TXNDC9: variants seen among roughly 807,000 people sequenced by gnomAD.
TXNDC9 encodes the protein thioredoxin domain-containing protein 9.
A neutral mutation model predicts 23.0 loss-of-function variants in TXNDC9; 7 were observed. That is an observed-to-expected ratio of 0.30 (90% CI 0.17 to 0.57). The LOEUF is 0.57. Ranked by LOEUF, TXNDC9 falls within the 20% of genes least tolerant of loss-of-function variation. The probability of loss-of-function intolerance (pLI) is 0.90; values close to 1 mark genes in which losing one functional copy is unlikely to be tolerated. For missense variants in TXNDC9, 198 were observed against 252.6 expected (o/e 0.78, Z 1.47); for synonymous variants, 72 against 90.6 (o/e 0.79, Z 1.17).
intron 3 of TXNDC9, among the ~76,000 whole-genome samples, chr2:99,322,893 C>G (rs1574905509): frequency 6.6e-6 from 1 of 152,258 alleles, no homozygotes; most frequent in South Asian, 2.1e-4. Flanking sequence ...TCCCAAGTAG[C>G]TGGGACTACA....
downstream of TXNDC9, among the ~76,000 whole-genome samples, chr2:99,315,666 A>T (rs2094187637): frequency 6.6e-6 from 1 of 152,158 alleles, no homozygotes; most frequent in Admixed American, 6.5e-5. Flanking sequence ...GGTGTTTGTT[A>T]CATTTCGAGT....
chr2:99,322,319 T>A, intron 3 of TXNDC9, 110 bp from the exon 4 acceptor site: 1 of 1,423,288 alleles, frequency 7.0e-7, no homozygotes. Flanking sequence ...TTGACTCTCA[T>A]AACATGGCAG....
At chr2:99,316,309 A>T (rs534381795), downstream of TXNDC9, among the ~76,000 whole-genome samples, 42 of 152,068 alleles carry the variant, frequency 2.8e-4, no homozygotes, top group South Asian at 5.6e-3. Context: ...TCAAGTAGTT[A>T]TGAGGTGGAT....
At chr2:99,335,821 G>C (rs893406841) in intron 1 of TXNDC9, among the ~76,000 whole-genome samples, 4 of 152,210 alleles carry the variant, frequency 2.6e-5, no homozygotes, top group African/African-American at 9.7e-5. Flanking sequence ...GGGGTAAAGA[G>C]ACGATGCAAC....
chr2:99,327,513 T>G (rs374799446), intron 3 of TXNDC9, 22 bp downstream of exon 3: 1 of 1,515,686 alleles, frequency 6.6e-7, no homozygotes, highest in African/African-American at 1.4e-5. Context: ...TTAGAAAAAG[T>G]CACAGATGGA....
downstream of TXNDC9, among the ~76,000 whole-genome samples, chr2:99,314,693 G>C (rs2094184627): frequency 6.6e-6 from 1 of 151,342 alleles, no homozygotes; most frequent in Admixed American, 6.6e-5. Flanking sequence ...ACCACGCCCA[G>C]CTAATTTTTG....
At position 99,329,315 on chromosome 2, in the gene TXNDC9, A is replaced by G. The variant is rs574283231; in HGVS notation, c.190-1662T>C. On this transcript the variant is annotated intron_variant, in intron 2 of 4. Coordinates refer to ENST00000264255, the MANE Select transcript of TXNDC9 (RefSeq NM_005783.4). The stretch of plus-strand genomic sequence containing the variant: ...TCCAGTTCCTTTTAACTGTTCTCAT[A>G]TGAAAAGATTTCTAGAGTTCCTACT... Among the ~76,000 whole-genome samples the G allele has an allele frequency of 7.9e-5, 12 of 152,274 alleles. 1 individual carries two copies. Among genetic ancestry groups the G allele is most frequent in the Admixed American group, 2.6e-4 (4 of 15,294 alleles).
At chr2:99,331,735 C>CT (rs1190713548) in intron 2 of TXNDC9, among the ~76,000 whole-genome samples, 1 of 152,060 alleles carries the variant, frequency 6.6e-6, no homozygotes, top group African/African-American at 2.4e-5. Context: ...AACTCCTTCT[C>CT]TTTTTTTGTG....
At chr2:99,322,491 G>T in intron 3 of TXNDC9, 1 of 1,411,752 alleles carries the variant, frequency 7.1e-7, no homozygotes, top group Non-Finnish European at 9.3e-7. Context: ...AAAGGAAGTT[G>T]TCCTATCTCC....
chr2:99,310,953 C>A, the TXNDC9 span, among the ~76,000 whole-genome samples: 3 of 152,266 alleles, frequency 2.0e-5, no homozygotes. Context: ...AAGGCTAGTC[C>A]CAGCTGTTTC....
intron 3 of TXNDC9, among the ~76,000 whole-genome samples, chr2:99,324,969 C>A (rs929193575): frequency 5.3e-5 from 8 of 152,354 alleles, no homozygotes; most frequent in Admixed American, 2.6e-4. Context: ...TGGCCTTGAT[C>A]TCCTGACCTC....
At chr2:99,322,627 G>C (rs528225236) in intron 3 of TXNDC9, 1 of 1,545,630 alleles carries the variant, frequency 6.5e-7, no homozygotes, top group South Asian at 1.2e-5. Context: ...CAGCATTACC[G>C]AGGAAAAACT....
chr2:99,327,529 A>G lies in TXNDC9; in HGVS notation c.308+6T>C. 1 of 1,591,356 alleles carries G rather than the reference A, an allele frequency of 6.3e-7. No homozygotes were observed. Among genetic ancestry groups the G allele is most frequent in the Non-Finnish European group, 8.6e-7 (1 of 1,160,966 alleles). ...TAGAAAAAGTCACAGATGGAAACAA[A>G]GTTACCTGAATGTGGAGTCTCTGTA... On this transcript the variant is annotated splice_donor_region_variant and intron_variant, in intron 3 of 4. Transcript: ENST00000264255.
chr2:99,322,287 A>G, intron 3 of TXNDC9, 78 bp from the exon 4 acceptor site: 1 of 1,519,618 alleles, frequency 6.6e-7, no homozygotes, highest in Non-Finnish European at 8.8e-7. Context: ...ATCAAGGGAA[A>G]TCTAATTATG....
At chr2:99,323,955 C>T (rs1268469493) in intron 3 of TXNDC9, among the ~76,000 whole-genome samples, 2 of 152,118 alleles carry the variant, frequency 1.3e-5, no homozygotes, top group African/African-American at 4.8e-5. Context: ...AATCGATTCT[C>T]CTTCCTCAGC....
chr2:99,306,547 T>C, the TXNDC9 span, among the ~76,000 whole-genome samples: 4 of 152,136 alleles, frequency 2.6e-5, no homozygotes, highest in Non-Finnish European at 4.4e-5. Context: ...CCTCTTTCAG[T>C]CGTGAAATGC....
At chr2:99,327,976 G>A (rs2094216748) in intron 2 of TXNDC9, among the ~76,000 whole-genome samples, 1 of 151,808 alleles carries the variant, frequency 6.6e-6, no homozygotes, top group Non-Finnish European at 1.5e-5. Context: ...GCAGAGATGG[G>A]TTTTCACCAT....
intron 2 of TXNDC9, among the ~76,000 whole-genome samples, chr2:99,331,405 T>C (rs890490683): frequency 1.3e-5 from 2 of 149,580 alleles, no homozygotes; most frequent in Non-Finnish European, 3.0e-5. Context: ...TGAAACCCCA[T>C]CTCTACTAAA....
At chr2:99,315,488 T>C (rs2094187176), downstream of TXNDC9, among the ~76,000 whole-genome samples, 1 of 152,236 alleles carries the variant, frequency 6.6e-6, no homozygotes, top group South Asian at 2.1e-4. Context: ...TTCTGAGTTG[T>C]TATTCTAATC....
Sources: allele counts gnomAD v4.1 joint callset (sites outside exome capture counted in the v4.1 genomes callset), GRCh38; gene constraint gnomAD v4.1.1; transcripts MANE v1.5; gene names NCBI Gene and HGNC (gene_info 2026-07-23, HGNC 2026-07-21).